CECR2: variants seen among roughly 807,000 people sequenced by gnomAD.
CECR2 encodes the protein chromatin remodeling regulator CECR2.
In CECR2, 30 loss-of-function variants were observed where a neutral mutation model predicts 154.5. That is an observed-to-expected ratio of 0.19 (90% CI 0.15 to 0.26). CECR2 has a LOEUF of 0.26. CECR2 is among the 10% of genes least tolerant of loss of function. The pLI, the probability that CECR2 is intolerant of heterozygous loss-of-function variation, is 1.00. For synonymous variants in CECR2, 725 were observed against 683.7 expected, an observed-to-expected ratio of 1.06 and a Z score of -0.94; for missense variants, 1,743 against 1,829.3, an observed-to-expected ratio of 0.95 and a Z score of 0.86.
At chr22:17,520,999 C>A (rs2056148231) in intron 8 of CECR2, among the ~76,000 whole-genome samples, 1 of 152,106 alleles carries the variant, frequency 6.6e-6, no homozygotes. Flanking sequence ...AGTTCTAGAT[C>A]CTTGAGGAAT....
intron 1 of CECR2, among the ~76,000 whole-genome samples, chr22:17,413,182 A>G (rs2054092391): frequency 6.6e-6 from 1 of 152,192 alleles, no homozygotes; most frequent in Non-Finnish European, 1.5e-5. Context: ...TAAGGGAAGT[A>G]GTATCAGAAA....
chr22:17,513,304 G>A lies in CECR2; in HGVS notation c.954+1408G>A, dbSNP rs544785843. On this transcript the variant is annotated intron_variant, in intron 8 of 18. Transcript: ENST00000262608. ...CGAATATTTAAACAGTTCAGTGATC[G>A]TAGAGAGTTTTGAGTTAAGGGACAG... 5.3e-5 allele frequency among the ~76,000 whole-genome samples: 8 copies of A among 152,282 alleles called. No homozygotes were observed. In the East Asian group the frequency reaches 5.8e-4, roughly 11 times the overall value.
At chr22:17,373,168 T>A (rs2063080474) in intron 1 of CECR2, among the ~76,000 whole-genome samples, 1 of 152,192 alleles carries the variant, frequency 6.6e-6, no homozygotes, top group South Asian at 2.1e-4. Context: ...GTTCAGGTGA[T>A]TCTCCCGCCT....
Position 17,548,600 on chromosome 22 carries a change from G to T in CECR2, c.3313G>T (p.Asp1105Tyr), listed in dbSNP as rs1230113168. 3.1e-6 allele frequency: 5 copies of T among 1,613,568 alleles called. No individual in the cohort carries two copies. The African/African-American group carries it at 6.7e-5, about 22-fold the overall frequency. Residue 1105 changes from aspartate (D) to tyrosine (Y), a missense_variant, in exon 17 of 19, where the codon GAC becomes TAC. This residue lies in a region of CECR2 where 1,250 missense variants were observed against 1,192.1 expected (regional missense o/e 1.05). Coordinates refer to ENST00000262608, the MANE Select transcript of CECR2 (RefSeq NM_001290047.2). ...GQNAATPPST[D>Y]PGLTGGTVSQ... ...GAACGCAGCGACACCGCCCAGCACA[G>T]ACCCCGGTTTGACGGGAGGCACTGT...
rs180882998 is a variant in CECR2 at position 17,483,367 on chromosome 22, C to T, written c.221+5685C>T. ...TTGAGGCCAGGAGTTCGAGACCAGC[C>T]TGGGCAACATAGCAAGACTCCGTCT... On this transcript the variant is annotated intron_variant, in intron 2 of 18. Coordinates refer to ENST00000262608, the MANE Select transcript of CECR2 (RefSeq NM_001290047.2). Among the ~76,000 whole-genome samples, 645 of 152,136 alleles carry T rather than the reference C, an allele frequency of 4.2e-3. 2 individuals are homozygous for T. Among genetic ancestry groups the T allele is most frequent in the Non-Finnish European group, 5.9e-3 (404 of 67,998 alleles).
intron 16 of CECR2, among the ~76,000 whole-genome samples, chr22:17,544,671 A>ATAG (rs1601546409): frequency 6.7e-6 from 1 of 149,494 alleles, no homozygotes; most frequent in Non-Finnish European, 1.5e-5. Flanking sequence ...TTAGCCAAGC[A>ATAG]TAGTGGCAGG....
At chr22:17,547,487 C>T (rs2056632377) in intron 16 of CECR2, among the ~76,000 whole-genome samples, 1 of 152,166 alleles carries the variant, frequency 6.6e-6, no homozygotes, top group South Asian at 2.1e-4. Flanking sequence ...GCCTCGGCCT[C>T]CCAAAATGCT....
intron 1 of CECR2, among the ~76,000 whole-genome samples, chr22:17,379,066 C>T (rs2063154569): frequency 6.6e-6 from 1 of 152,116 alleles, no homozygotes; most frequent in African/African-American, 2.4e-5. Context: ...AAGCAATTCT[C>T]CTGCCTCAGC....
intron 2 of CECR2, among the ~76,000 whole-genome samples, chr22:17,479,847 A>G (rs906484360): frequency 1.4e-5 from 2 of 138,088 alleles, no homozygotes; most frequent in Middle Eastern, 4.1e-3. Context: ...GTCTCACTGT[A>G]GCCTCAACCT....
intron 2 of CECR2, 41 bp downstream of exon 2, chr22:17,477,723 A>G (rs777278684): frequency 1.0e-5 from 14 of 1,361,728 alleles, no homozygotes; most frequent in South Asian, 2.3e-5. Context: ...TTGCGCCAAG[A>G]ACTAATTAAC....
At chr22:17,532,118 C>T (rs1402311546) in intron 9 of CECR2, among the ~76,000 whole-genome samples, 1 of 151,892 alleles carries the variant, frequency 6.6e-6, no homozygotes, top group Non-Finnish European at 1.5e-5. Flanking sequence ...TGCAGTGAGC[C>T]GTGGTTGTGC....
At chr22:17,490,142 T>TG (rs1278960198) in intron 2 of CECR2, among the ~76,000 whole-genome samples, 59 of 138,272 alleles carry the variant, frequency 4.3e-4, no homozygotes, top group South Asian at 1.7e-3. Flanking sequence ...CTTACTGTTT[T>TG]TTTTTTGTGT....
chr22:17,520,419 G>A (rs892018818), intron 8 of CECR2, among the ~76,000 whole-genome samples: 9 of 151,818 alleles, frequency 5.9e-5, no homozygotes, highest in Admixed American at 2.6e-4. Flanking sequence ...TTGTAAGTAG[G>A]ATTTTTAAAT....
chr22:17,379,693 A>T (rs2063164454), intron 1 of CECR2, among the ~76,000 whole-genome samples: 1 of 152,020 alleles, frequency 6.6e-6, no homozygotes, highest in Non-Finnish European at 1.5e-5. Flanking sequence ...CAGCGACCAC[A>T]TGAGCTTGAA....
intron 1 of CECR2, among the ~76,000 whole-genome samples, chr22:17,370,716 G>A (rs2063049499): frequency 6.6e-6 from 1 of 152,184 alleles, no homozygotes; most frequent in Non-Finnish European, 1.5e-5. Context: ...CGAAACCCGA[G>A]GGTCCTGGAG....
chr22:17,529,204 C>T (rs1217056864), intron 9 of CECR2, among the ~76,000 whole-genome samples: 2 of 152,104 alleles, frequency 1.3e-5, no homozygotes, highest in African/African-American at 2.4e-5. Context: ...AGCAGAGGCA[C>T]GGAGGCAGGG....
At chr22:17,489,136 G>C (rs990120983) in intron 2 of CECR2, among the ~76,000 whole-genome samples, 2 of 152,110 alleles carry the variant, frequency 1.3e-5, no homozygotes, top group Non-Finnish European at 1.5e-5. Flanking sequence ...GTTTCACCAT[G>C]TTAATCAAGC....
intron 1 of CECR2, among the ~76,000 whole-genome samples, chr22:17,469,311 T>C (rs1283054150): frequency 2.6e-5 from 4 of 152,156 alleles, no homozygotes; most frequent in African/African-American, 9.7e-5. Flanking sequence ...TATTTGAATT[T>C]TGGGGGACAC....
chr22:17,530,653 G>A (rs1246001490), intron 9 of CECR2, among the ~76,000 whole-genome samples: 1 of 151,666 alleles, frequency 6.6e-6, no homozygotes, highest in African/African-American at 2.4e-5. Context: ...TTCCAGCCTG[G>A]GCAACAGAGC....
Sources: gnomAD v4.1 joint callset for allele counts (sites outside exome capture counted in the v4.1 genomes callset) on GRCh38, gnomAD v4.1.1 for gene constraint, gnomAD v4.1.1 regional missense constraint, MANE v1.5 for transcripts, NCBI Gene and HGNC (gene_info 2026-07-23, HGNC 2026-07-21) for gene names.